Variants in MATN4 observed in about 807,000 individuals in gnomAD.
MATN4 encodes the protein matrilin 4.
MATN4 carries 40 observed loss-of-function variants against 54.6 expected under a neutral mutation model. The observed-to-expected ratio is 0.73, with a 90% CI of 0.57 to 0.95. The LOEUF (loss-of-function observed/expected upper bound fraction) is 0.95. MATN4 is among the 40% of genes least tolerant of loss of function. The pLI, the probability that MATN4 is intolerant of heterozygous loss-of-function variation, is 0.00. For synonymous variants in MATN4, 351 were observed against 345.3 expected (o/e 1.02, Z -0.18); for missense variants, 810 against 819.1 (o/e 0.99, Z 0.13).
Position 45,298,662 on chromosome 20 carries a change from C to A in MATN4, c.1013-79G>T, listed in dbSNP as rs1444365953. On this transcript the variant is annotated intron_variant, in intron 6 of 9. Transcript: ENST00000372756. The surrounding 1 kb of genome is among the most constrained non-coding windows in gnomAD (Gnocchi z 4.6). ...CTGTCTATCCATCTAGTCGTTCATT[C>A]GCAAACATTTATTATATAACAGACA... is the stretch of plus-strand genomic sequence containing the variant. 3.4e-6 allele frequency: 4 copies of A among 1,166,550 alleles called. No individual in the cohort carries two copies. Among genetic ancestry groups the A allele is most frequent in the Non-Finnish European group, 3.6e-6 (3 of 828,422 alleles). The allele number at this position is 1,166,550 out of a possible 1,614,324, so 72.3% of individuals were successfully genotyped here.
At chr20:45,303,558 G>A in intron 3 of MATN4, 2 of 676,436 alleles carry the variant, frequency 3.0e-6, no homozygotes, top group Non-Finnish European at 5.7e-6. Context: ...ATGGGCAGAA[G>A]CCTCCAACAA....
chr20:45,299,814 G>C (rs1381079611), intron 6 of MATN4, among the ~76,000 whole-genome samples: 3 of 147,576 alleles, frequency 2.0e-5, no homozygotes, highest in Admixed American at 1.4e-4. Flanking sequence ...AGAGGCAGAG[G>C]TTGCAGTGAG....
chr20:45,293,846 T>C, intron 9 of MATN4, 21 bp from the exon 10 acceptor site: 5 of 1,610,666 alleles, frequency 3.1e-6, no homozygotes, highest in African/African-American at 2.7e-5. Context: ...AAGGAGGCCG[T>C]TGGGGTTCGC....
chr20:45,303,483 A>G (rs1476641346), intron 3 of MATN4: 1 of 716,362 alleles, frequency 1.4e-6, no homozygotes, highest in Admixed American at 2.0e-5. Context: ...GCTGGCAACC[A>G]TGTCCCCCCT....
chr20:45,303,187 G>A (rs1986354769), intron 3 of MATN4, among the ~76,000 whole-genome samples: 1 of 152,046 alleles, frequency 6.6e-6, no homozygotes, highest in Non-Finnish European at 1.5e-5. Flanking sequence ...GAGAAAGAGG[G>A]CAGAAAGCAC....
rs1986031239 is a variant in MATN4 at position 45,298,679 on chromosome 20, T to G, written c.1013-96A>C. The G allele has an allele frequency of 2.0e-6, 2 of 985,634 alleles. No homozygotes were observed. Among genetic ancestry groups the G allele is most frequent in the South Asian group, 3.4e-5 (2 of 59,534 alleles). 61.1% of individuals were successfully genotyped at this position (985,634 alleles called of 1,614,324 possible). On this transcript the variant is annotated intron_variant, in intron 6 of 9. Transcript: ENST00000372756. This position sits in a 1 kb window ranked among gnomAD's most constrained non-coding sequence, Gnocchi z 4.6. ...CGTTCATTCGCAAACATTTATTATA[T>G]AACAGACAACATTTCCTGAGTCCTT...
At position 45,298,458 on chromosome 20, in the gene MATN4, C is replaced by T. The variant is rs2233103; in HGVS notation, c.1138G>A (p.Glu380Lys). The change falls in exon 7 of 10, where the codon GAG (glutamate) becomes AAG (lysine). Residue 380 changes from glutamate (E) to lysine (K), a missense_variant. By Grantham distance (56) the Glu-to-Lys change is moderately conservative. Transcript: ENST00000372756. This position sits in a 1 kb window ranked among gnomAD's most constrained non-coding sequence, Gnocchi z 4.6. ...TGCACCAGCCCCACCCGCGTGCCCT[C>T]GGGGGACACATCTAGGAAGTCCACA... ...QIVDFLDVSP[E>K]GTRVGLVQFS... 2.2e-5 allele frequency: 35 copies of T among 1,613,660 alleles called. No individual in the cohort carries two copies. The African/African-American group carries it at 4.1e-4, about 19-fold the overall frequency.
In MATN4 at chr20:45,307,001, A is replaced by ACC. The variant is rs562994913; in HGVS notation, c.-35+1172_-35+1173dup. 2.5e-5 allele frequency: 18 copies of ACC among 729,208 alleles called. No individual in the cohort carries two copies. The Admixed American group carries it at 2.9e-4, about 12-fold the overall frequency. The allele number at this position is 729,208 out of a possible 1,614,324, so 45.2% of individuals were successfully genotyped here. A position where few individuals can be genotyped will look rare whatever the true frequency, so the allele number is the denominator to read the frequency against. Reference sequence around the variant, plus strand: ...CGCCCCGTGAGAACTACGAAGGACCACCCCCCCACCCCCTCCCCACTATAC... The same window carrying ACC: ...CGCCCCGTGAGAACTACGAAGGACCACCCCCCCCCACCCCCTCCCCACTATAC... On this transcript the variant is annotated intron_variant, in intron 1 of 9. Coordinates refer to ENST00000372756, the MANE Select transcript of MATN4 (RefSeq NM_001393530.1).
chr20:45,305,182 C>G (rs1434065098), intron 2 of MATN4, among the ~76,000 whole-genome samples: 1 of 152,238 alleles, frequency 6.6e-6, no homozygotes, highest in Non-Finnish European at 1.5e-5. Context: ...GGCCATGCCC[C>G]TGCGAATTGG....
intron 1 of MATN4, among the ~76,000 whole-genome samples, chr20:45,307,140 C>T (rs1168863789): frequency 6.6e-6 from 1 of 152,084 alleles, no homozygotes; most frequent in Non-Finnish European, 1.5e-5. Context: ...GCCTAGAATT[C>T]ACTAAACCTC....
rs267605951 is a variant in MATN4, at chr20:45,298,463, G to A, written c.1133C>T (p.Ser378Phe). Residue 378 changes from serine (S) to phenylalanine (F), a missense_variant, in exon 7 of 10, where the codon TCC becomes TTC. By Grantham distance (155) the Ser-to-Phe change is radical. Coordinates refer to ENST00000372756, the MANE Select transcript of MATN4 (RefSeq NM_001393530.1). The surrounding 1 kb of genome is among the most constrained non-coding windows in gnomAD (Gnocchi z 4.6). ...CAGCCCCACCCGCGTGCCCTCGGGG[G>A]ACACATCTAGGAAGTCCACAATCTG... is the stretch of plus-strand genomic sequence containing the variant. ...VNQIVDFLDVSPEGTRVGLVQ... is the reference protein window; with the variant it reads ...VNQIVDFLDVFPEGTRVGLVQ... 1 of 1,613,838 alleles carries A rather than the reference G, an allele frequency of 6.2e-7. No homozygotes were observed. The highest frequency in any genetic ancestry group is 8.5e-7 in the Non-Finnish European group (1 of 1,179,982).
intron 3 of MATN4, chr20:45,303,523 C>G: frequency 1.4e-6 from 1 of 707,366 alleles, no homozygotes; most frequent in South Asian, 1.5e-5. Flanking sequence ...TGAGGACACA[C>G]AGGACTAGAA....
At chr20:45,294,462 A>G (rs6130803) in intron 8 of MATN4, among the ~76,000 whole-genome samples, 12,222 of 152,334 alleles carry the variant, frequency 0.08, 843 homozygotes, top group East Asian at 0.33. Flanking sequence ...CACTTTGTGT[A>G]GCACTCTCCA....
At chr20:45,305,300 C>G (rs1228792710) in intron 2 of MATN4, among the ~76,000 whole-genome samples, 1 of 152,162 alleles carries the variant, frequency 6.6e-6, no homozygotes, top group African/African-American at 2.4e-5. Context: ...AATTAAACAC[C>G]CCATGGGCAG....
intron 1 of MATN4, among the ~76,000 whole-genome samples, chr20:45,306,614 G>T (rs1986701651): frequency 6.6e-6 from 1 of 152,246 alleles, no homozygotes; most frequent in Non-Finnish European, 1.5e-5. Flanking sequence ...TGGTGGCGTG[G>T]CAGCGAGTGG....
In MATN4 at chr20:45,306,576, G is replaced by T. The variant is rs1986695363; in HGVS notation, c.-34-960C>A. ...CTGCCCAACCGCAGGCGGCAGGGAG[G>T]GGCTGCGCCCTGTTGCGGGGCTGAG... is the stretch of plus-strand genomic sequence containing the variant. On this transcript the variant is annotated intron_variant, in intron 1 of 9. Transcript: ENST00000372756. Among the ~76,000 whole-genome samples the T allele has an allele frequency of 1.3e-5, 2 of 152,244 alleles. 1 individual carries two copies. The highest frequency in any genetic ancestry group is 4.1e-4 in the South Asian group (2 of 4,832).
At position 45,293,647 on chromosome 20, in the gene MATN4, C is replaced by A; in HGVS notation, c.*120G>T. On this transcript the variant is annotated 3_prime_UTR_variant, in exon 10 of 10. Transcript: ENST00000372756. ...AATGCCGGAAGCCCGCCAGCGCCTC[C>A]GCCCCGACAGCCCAAGCCGGACGGG... 5 of 938,926 alleles carry A rather than the reference C, an allele frequency of 5.3e-6. No individual in the cohort carries two copies. Among genetic ancestry groups the A allele is most frequent in the Non-Finnish European group, 7.6e-6 (5 of 661,456 alleles). The allele number at this position is 938,926 out of a possible 1,614,324, so 58.2% of individuals were successfully genotyped here.
At position 45,298,338 on chromosome 20, in the gene MATN4, G is replaced by A. The variant is rs200962864; in HGVS notation, c.1258C>T (p.Arg420Cys). ...AACGCCAGCCCTGTCATGGTGCCGCGTTCCATGTACTCCACGGCCAGGACC... is the reference window on the plus strand; with the variant it reads ...AACGCCAGCCCTGTCATGGTGCCGCATTCCATGTACTCCACGGCCAGGACC... The part of the protein sequence containing the change: ...QAVLAVEYME[R>C]GTMTGLALRH... The change falls in exon 7 of 10, where the codon CGC (arginine) becomes TGC (cysteine). Residue 420 changes from arginine to cysteine, a missense_variant. Physicochemically the swap from Arg to Cys is radical, Grantham distance 180 (BLOSUM62 -3). Coordinates refer to ENST00000372756, the MANE Select transcript of MATN4 (RefSeq NM_001393530.1). This position sits in a 1 kb window ranked among gnomAD's most constrained non-coding sequence, Gnocchi z 4.6. 29 of 1,613,452 alleles carry A rather than the reference G, an allele frequency of 1.8e-5. No homozygotes were observed. Among genetic ancestry groups the A allele is most frequent in the Non-Finnish European group, 2.3e-5 (27 of 1,179,906 alleles).
At chr20:45,305,016 C>T (rs555179779) in intron 2 of MATN4, among the ~76,000 whole-genome samples, 2 of 152,150 alleles carry the variant, frequency 1.3e-5, no homozygotes, top group Non-Finnish European at 2.9e-5. Flanking sequence ...TATTCTGAGG[C>T]GGTATTACCC....
Sources: allele counts gnomAD v4.1 joint callset (sites outside exome capture counted in the v4.1 genomes callset), GRCh38; gene constraint gnomAD v4.1.1; non-coding constraint Gnocchi (gnomAD v3.1); transcripts MANE v1.5; gene names NCBI Gene and HGNC (gene_info 2026-07-23, HGNC 2026-07-21).